ANOS1: variants seen among roughly 807,000 people sequenced by gnomAD.
The protein encoded by ANOS1 is anosmin-1.
In ANOS1, 6 loss-of-function variants were observed where a neutral mutation model predicts 59.0. The observed-to-expected ratio is 0.10, with a 90% CI of 0.06 to 0.20. ANOS1 has a LOEUF of 0.20. Among genes scored for constraint, ANOS1 ranks in the 10% least tolerant of loss-of-function variants. ANOS1 has a pLI of 1.00. For synonymous variants in ANOS1, 217 were observed against 223.4 expected (o/e 0.97, Z 0.25); for missense variants, 433 against 542.3 (o/e 0.80, Z 2.00).
Position 8,715,586 on chromosome X carries a change from C to CT in ANOS1, c.208-15842dup, listed in dbSNP as rs1274739023. On this transcript the variant is annotated intron_variant, in intron 1 of 13. Transcript: ENST00000262648. ...ACCATGGCCACCCAGAATGGGAAAT[C>CT]TTTAAGTAACAAAAGCACACACGAG... Among the ~76,000 whole-genome samples the CT allele has an allele frequency of 2.0e-4, 22 of 110,408 alleles. No individual in the cohort carries two copies. In the Admixed American group the frequency reaches 2.1e-3, roughly 11 times the overall value.
At chrX:8,536,187 G>GT (rs1569252182) in intron 11 of ANOS1, among the ~76,000 whole-genome samples, 1 of 32,004 alleles carries the variant, frequency 3.1e-5, no homozygotes, top group Non-Finnish European at 6.9e-5. Context: ...TAAATCCGAA[G>GT]CTTTTTTTTT....
intron 8 of ANOS1, among the ~76,000 whole-genome samples, chrX:8,560,656 C>T (rs1022936305): frequency 4.5e-5 from 5 of 112,295 alleles, no homozygotes; most frequent in Admixed American, 2.8e-4. Flanking sequence ...AAAAAACCAG[C>T]GCTCAAAAAT....
intron 2 of ANOS1, among the ~76,000 whole-genome samples, chrX:8,671,587 G>GTATATA (rs752088039): frequency 2.6e-4 from 27 of 102,219 alleles, no homozygotes; most frequent in African/African-American, 9.6e-4. Flanking sequence ...ATGTGTATGA[G>GTATATA]TATATATATA....
intron 2 of ANOS1, among the ~76,000 whole-genome samples, chrX:8,652,238 C>T (rs961858687): frequency 8.9e-6 from 1 of 111,976 alleles, no homozygotes; most frequent in Non-Finnish European, 1.9e-5. Context: ...GCTGAGATTA[C>T]AGGTGTGAGC....
intron 3 of ANOS1, among the ~76,000 whole-genome samples, chrX:8,622,114 G>A (rs1244712682): frequency 9.0e-6 from 1 of 110,835 alleles, no homozygotes; most frequent in Non-Finnish European, 1.9e-5. Flanking sequence ...TTGGCCAAGC[G>A]GAGTTGACCA....
At chrX:8,704,522 G>C (rs182079472) in intron 1 of ANOS1, among the ~76,000 whole-genome samples, 20 of 112,106 alleles carry the variant, frequency 1.8e-4, no homozygotes, top group African/African-American at 6.2e-4. Flanking sequence ...AGCCTATTTT[G>C]AATTGGGAAT....
chrX:8,587,953 C>T lies in ANOS1; in HGVS notation c.567G>A (p.Glu189=), dbSNP rs1443843670. ...YKGVPLKPRK[E]LRFTELQSGQ... is the part of the protein sequence containing the mutation. ...CAGACTGCAGTTCTGTAAATCGTAA[C>T]TCTTTTCTGGGCTTCAGGGGGACAC... The change falls in exon 5 of 14, where the codon GAG becomes GAA. Residue 189 remains glutamate (E), a synonymous_variant. Coordinates refer to ENST00000262648, the MANE Select transcript of ANOS1 (RefSeq NM_000216.4). 8.3e-7 allele frequency: 1 copy of T among 1,209,945 alleles called. No individual in the cohort carries two copies. Among genetic ancestry groups the T allele is most frequent in the East Asian group, 3.0e-5 (1 of 33,776 alleles).
At chrX:8,661,823 T>C (rs1932044315) in intron 2 of ANOS1, among the ~76,000 whole-genome samples, 1 of 111,068 alleles carries the variant, frequency 9.0e-6, no homozygotes, top group Admixed American at 9.6e-5. Flanking sequence ...CAGCATCGCG[T>C]TTCAACTAGC....
intron 1 of ANOS1, among the ~76,000 whole-genome samples, chrX:8,702,270 C>T (rs1278367647): frequency 8.9e-6 from 1 of 112,239 alleles, no homozygotes; most frequent in African/African-American, 3.2e-5. Context: ...CAATGCCAGA[C>T]AAATGATGGG....
chrX:8,652,361 G>A (rs1468224890), intron 2 of ANOS1, among the ~76,000 whole-genome samples: 1 of 111,621 alleles, frequency 9.0e-6, no homozygotes, highest in Non-Finnish European at 1.9e-5. Flanking sequence ...ATGGAAGTTA[G>A]CAAGAAGAAA....
At chrX:8,701,606 C>T (rs1431718943) in intron 1 of ANOS1, among the ~76,000 whole-genome samples, 1 of 112,225 alleles carries the variant, frequency 8.9e-6, no homozygotes, top group Non-Finnish European at 1.9e-5. Context: ...TTTGCCTATT[C>T]TGGACATTTT....
At chrX:8,702,282 G>A (rs1197450304) in intron 1 of ANOS1, among the ~76,000 whole-genome samples, 1 of 112,393 alleles carries the variant, frequency 8.9e-6, no homozygotes, top group Non-Finnish European at 1.9e-5. Flanking sequence ...AATGATGGGC[G>A]TGGTTGAATT....
chrX:8,536,944 TAGAGCA>T lies in ANOS1; in HGVS notation c.1450-8_1450-3del, dbSNP rs766193166. 1 of 1,195,471 alleles carries T rather than the reference TAGAGCA, an allele frequency of 8.4e-7. No individual in the cohort carries two copies. The highest frequency in any genetic ancestry group is 2.2e-5 in the Admixed American group (1 of 45,961). ...ATCTTGAAGAATTATGTAATTTTCC[TAGAGCA>T]AGAGAAAGAGAATTATGCTAGCAAT... is the stretch of plus-strand genomic sequence containing the variant. On this transcript the variant is annotated splice_polypyrimidine_tract_variant and splice_region_variant and intron_variant, in intron 10 of 13. Transcript: ENST00000262648.
At chrX:8,671,776 T>C (rs1320284562) in intron 2 of ANOS1, among the ~76,000 whole-genome samples, 1 of 110,368 alleles carries the variant, frequency 9.1e-6, no homozygotes, top group Admixed American at 9.8e-5. Context: ...CTTTCTTTTT[T>C]AACTTTCAAA....
intron 6 of ANOS1, among the ~76,000 whole-genome samples, chrX:8,577,079 C>T (rs1461759752): frequency 2.7e-5 from 3 of 111,495 alleles, no homozygotes; most frequent in Non-Finnish European, 5.6e-5. Context: ...AGGTTGCAGG[C>T]CAAATTTGGA....
Position 8,656,904 on chromosome X carries a change from C to T in ANOS1, c.256-33234G>A, listed in dbSNP as rs1394005347. Among the ~76,000 whole-genome samples, 6 of 111,742 alleles carry T rather than the reference C, an allele frequency of 5.4e-5. No individual in the cohort carries two copies. In the East Asian group the frequency reaches 8.5e-4, roughly 16 times the overall value. ...CTCAAAGAGAGATCTGTTGTCCCTA[C>T]CCCTGGGAGGCAATCTCTAAACTTG... On this transcript the variant is annotated intron_variant, in intron 2 of 13. Transcript: ENST00000262648.
In ANOS1 at chrX:8,597,199, T is replaced by G. The variant is rs989267613; in HGVS notation, c.376A>C (p.Ile126Leu). The change falls in exon 4 of 14, where the codon ATC (isoleucine) becomes CTC (leucine). Residue 126 changes from isoleucine to leucine, a missense_variant. Physicochemically the swap from Ile to Leu is conservative, Grantham distance 5. Coordinates refer to ENST00000262648, the MANE Select transcript of ANOS1 (RefSeq NM_000216.4). Reference sequence around the variant, plus strand: ...CAGTCCCCCTGCTTCACCAACAGGATGTATTTGAGGAACTCACAGCTGGTC... The same window carrying G: ...CAGTCCCCCTGCTTCACCAACAGGAGGTATTTGAGGAACTCACAGCTGGTC... Reference protein sequence around the residue: ...CLTSCEFLKYILLVKQGDCPA... With the variant: ...CLTSCEFLKYLLLVKQGDCPA... 5 of 1,211,689 alleles carry G rather than the reference T, an allele frequency of 4.1e-6. No homozygotes were observed. The highest frequency in any genetic ancestry group is 5.6e-6 in the Non-Finnish European group (5 of 895,366).
At chrX:8,579,859 G>A (rs1357800727) in intron 6 of ANOS1, among the ~76,000 whole-genome samples, 1 of 111,794 alleles carries the variant, frequency 8.9e-6, no homozygotes, top group Non-Finnish European at 1.9e-5. Context: ...GGAAGCTTAG[G>A]TTGCCTATGG....
intron 3 of ANOS1, among the ~76,000 whole-genome samples, chrX:8,602,690 C>T (rs1167361221): frequency 1.8e-5 from 2 of 110,716 alleles, no homozygotes; most frequent in Admixed American, 1.9e-4. Flanking sequence ...TAAAACTATT[C>T]ATATGATTAA....
Sources: gnomAD v4.1 joint callset for allele counts (sites outside exome capture counted in the v4.1 genomes callset) on GRCh38, gnomAD v4.1.1 for gene constraint, MANE v1.5 for transcripts, NCBI Gene and HGNC (gene_info 2026-07-23, HGNC 2026-07-21) for gene names.